Variants in ZNF679 observed in about 807,000 individuals in gnomAD.
The protein encoded by ZNF679 is hypothetical protein MGC42415.
In ZNF679, 10 loss-of-function variants were observed where a neutral mutation model predicts 13.4. The ratio of observed to expected loss-of-function variants is 0.75; its 90% CI spans 0.46 to 1.27. The LOEUF (loss-of-function observed/expected upper bound fraction) is 1.27, where lower values mean the gene tolerates loss of function less well. Among genes scored for constraint, ZNF679 ranks in the 50% most tolerant of loss-of-function variants. ZNF679 has a pLI of 0.00. For synonymous variants in ZNF679, 179 were observed against 162.5 expected (o/e 1.10, Z -0.77); for missense variants, 525 against 477.8 (o/e 1.10, Z -0.92).
At chr7:64,250,599 T>A (rs528403963) in intron 2 of ZNF679, among the ~76,000 whole-genome samples, 1 of 151,826 alleles carries the variant, frequency 6.6e-6, no homozygotes, top group Non-Finnish European at 1.5e-5. Flanking sequence ...TTTTTTTTTC[T>A]TTTTTTTGAG....
At chr7:64,236,975 A>AAAAG (rs1554369173) in intron 1 of ZNF679, among the ~76,000 whole-genome samples, 50 of 16,262 alleles carry the variant, frequency 3.1e-3, no homozygotes, top group South Asian at 0.013. Context: ...GAAAGAAAGA[A>AAAAG]AAAGAAAGAA....
In ZNF679 at chr7:64,245,622, T is replaced by C. The variant is rs146503182; in HGVS notation, c.-90-3406T>C. Among the ~76,000 whole-genome samples the C allele has an allele frequency of 2.3e-3, 353 of 152,248 alleles. 5 individuals are homozygous for C. The highest frequency in any genetic ancestry group is 3.1e-3 in the East Asian group (16 of 5,162). On this transcript the variant is annotated intron_variant, in intron 1 of 4. Coordinates refer to ENST00000421025, the MANE Select transcript of ZNF679 (RefSeq NM_153363.3). ...CCCATCTGCTCTCAAGTTTCCCACT[T>C]TAGGGAGGAAAAAGCTCCCCTTGTT...
chr7:64,241,795 C>A (rs548656427), intron 1 of ZNF679, among the ~76,000 whole-genome samples: 5 of 152,286 alleles, frequency 3.3e-5, no homozygotes, highest in African/African-American at 1.2e-4. Flanking sequence ...GAGGACAGGG[C>A]TCATGCAGGA....
rs1220472843 is a variant in ZNF679, at chr7:64,266,690, A to T, written c.1057A>T (p.Lys353Ter). The T allele has an allele frequency of 6.2e-7, 1 of 1,613,496 alleles. No individual in the cohort carries two copies. The highest frequency in any genetic ancestry group is 1.7e-5 in the Admixed American group (1 of 59,896). ...AATTCATACTGGAGAGAAACCCTAC[A>T]AATGTAAAGAATGTGGGAAAGCCTT... ...KIIHTGEKPY[K>*]CKECGKAFAF... Residue 353 changes from lysine to a stop codon, truncating the protein, a stop_gained, in exon 5 of 5, where the codon AAA becomes TAA. Coordinates refer to ENST00000421025, the MANE Select transcript of ZNF679 (RefSeq NM_153363.3). LOFTEE classifies it low-confidence loss of function (END_TRUNC).
At chr7:64,243,506 T>A (rs1286827314) in intron 1 of ZNF679, among the ~76,000 whole-genome samples, 1 of 152,134 alleles carries the variant, frequency 6.6e-6, no homozygotes, top group Non-Finnish European at 1.5e-5. Flanking sequence ...CCATTTCTCC[T>A]GTAAATAGAT....
intron 2 of ZNF679, among the ~76,000 whole-genome samples, chr7:64,255,788 T>C (rs1365241948): frequency 2.6e-5 from 4 of 152,064 alleles, no homozygotes; most frequent in Non-Finnish European, 5.9e-5. Flanking sequence ...TTTGTATTTT[T>C]AGTAGAGACA....
intron 2 of ZNF679, 55 bp downstream of exon 2, chr7:64,249,211 T>G (rs1028157302): frequency 6.2e-7 from 1 of 1,613,894 alleles, no homozygotes; most frequent in Non-Finnish European, 8.5e-7. Flanking sequence ...TGGAACCGGC[T>G]GAAAGTGGCT....
At chr7:64,264,085 TA>T (rs1788112037) in intron 4 of ZNF679, among the ~76,000 whole-genome samples, 1 of 152,114 alleles carries the variant, frequency 6.6e-6, no homozygotes, top group African/African-American at 2.4e-5. Flanking sequence ...ACATAATAGT[TA>T]TAGATTCCTA....
chr7:64,234,071 G>A (rs755779625), intron 1 of ZNF679, among the ~76,000 whole-genome samples: 151 of 152,130 alleles, frequency 9.9e-4, no homozygotes, highest in Non-Finnish European at 1.7e-3. Context: ...CACAGCGACT[G>A]GGTGTTTGTT....
chr7:64,236,859 G>GA (rs1223079498), intron 1 of ZNF679, among the ~76,000 whole-genome samples: 2 of 104,282 alleles, frequency 1.9e-5, no homozygotes, highest in Non-Finnish European at 4.2e-5. Flanking sequence ...ACAAAAGAAA[G>GA]AAAAAAAGAA....
At chr7:64,239,375 G>T (rs1283639986) in intron 1 of ZNF679, among the ~76,000 whole-genome samples, 1 of 152,172 alleles carries the variant, frequency 6.6e-6, no homozygotes, top group African/African-American at 2.4e-5. Flanking sequence ...AGTCTCAGGA[G>T]TTGTTGACTC....
At chr7:64,264,438 T>G (rs1788118104) in intron 4 of ZNF679, among the ~76,000 whole-genome samples, 1 of 152,114 alleles carries the variant, frequency 6.6e-6, no homozygotes, top group Non-Finnish European at 1.5e-5. Flanking sequence ...CAGATTTTTA[T>G]TTTTTGTATA....
At chr7:64,259,868 C>T (rs1466463654) in intron 2 of ZNF679, among the ~76,000 whole-genome samples, 1 of 151,586 alleles carries the variant, frequency 6.6e-6, no homozygotes, top group Non-Finnish European at 1.5e-5. Context: ...GCGTAGGTTT[C>T]AGTGAGCCAA....
rs956060884 is a variant in ZNF679 at position 64,262,747 on chromosome 7, A to G, written c.262+1818A>G. Among the ~76,000 whole-genome samples the G allele has an allele frequency of 5.3e-5, 8 of 152,272 alleles. 1 individual carries two copies. In the South Asian group the frequency reaches 1.7e-3, roughly 32 times the overall value. ...ATTATGTTTTAAAATTAAGAAGTAT[A>G]TTGCCTCTGTTTTTCACGTGTGTTT... On this transcript the variant is annotated intron_variant, in intron 4 of 4. Transcript: ENST00000421025.
chr7:64,236,295 T>G (rs1051431538), intron 1 of ZNF679, among the ~76,000 whole-genome samples: 1 of 151,962 alleles, frequency 6.6e-6, no homozygotes, highest in Non-Finnish European at 1.5e-5. Flanking sequence ...TTTTTATTTT[T>G]AAGTTGAATG....
At chr7:64,261,071 GCTCTC>G in intron 4 of ZNF679, 142 bp downstream of exon 4, 1 of 845,722 alleles carries the variant, frequency 1.2e-6, no homozygotes, top group Non-Finnish European at 1.8e-6. Flanking sequence ...TTTTTCTTTT[GCTCTC>G]AGATAGGGAT....
chr7:64,229,187 G>A (rs887712523), intron 1 of ZNF679, among the ~76,000 whole-genome samples: 6 of 152,058 alleles, frequency 3.9e-5, no homozygotes, highest in Non-Finnish European at 8.8e-5. Context: ...CTTACCTGTG[G>A]TCAGGTATTA....
chr7:64,234,862 G>A (rs1787687747), intron 1 of ZNF679, among the ~76,000 whole-genome samples: 1 of 152,020 alleles, frequency 6.6e-6, no homozygotes, highest in African/African-American at 2.4e-5. Flanking sequence ...TTTCAAGACA[G>A]AGTCTCGCTC....
chr7:64,262,381 G>A (rs1484693633), intron 4 of ZNF679, among the ~76,000 whole-genome samples: 2 of 152,094 alleles, frequency 1.3e-5, no homozygotes, highest in Non-Finnish European at 2.9e-5. Flanking sequence ...TGCATTTGAT[G>A]GCATGTCTAA....
Sources: allele counts gnomAD v4.1 joint callset (sites outside exome capture counted in the v4.1 genomes callset), GRCh38; gene constraint gnomAD v4.1.1; transcripts MANE v1.5; gene names NCBI Gene and HGNC (gene_info 2026-07-23, HGNC 2026-07-21).